Variants in ALPK2 observed in about 807,000 individuals in gnomAD.
ALPK2 encodes alpha kinase 2.
Under a neutral mutation model 163.1 loss-of-function variants are expected in ALPK2, and 127 were observed. The ratio of observed to expected loss-of-function variants is 0.78; its 90% confidence interval spans 0.67 to 0.90. The LOEUF (loss-of-function observed/expected upper bound fraction) is 0.90. ALPK2 is among the 40% of genes least tolerant of loss of function. The pLI is 0.00. For missense variants in ALPK2, 2,360 were observed against 2,589.6 expected (o/e 0.91, Z 1.92); for synonymous variants, 953 against 959.1 (o/e 0.99, Z 0.12).
chr18:58,609,413 C>CT (rs1478827569), intron 2 of ALPK2, among the ~76,000 whole-genome samples: 1 of 152,228 alleles, frequency 6.6e-6, no homozygotes, highest in Non-Finnish European at 1.5e-5. Flanking sequence ...TCCTTTAAGA[C>CT]TGTTTCATCA....
chr18:58,530,763 A>T (rs563255647), intron 5 of ALPK2, among the ~76,000 whole-genome samples: 1 of 152,320 alleles, frequency 6.6e-6, no homozygotes, highest in South Asian at 2.1e-4. Context: ...AGAGGTGGAA[A>T]GTGCAGCTGA....
chr18:58,532,721 C>T (rs996834945), intron 5 of ALPK2, among the ~76,000 whole-genome samples: 3 of 152,160 alleles, frequency 2.0e-5, no homozygotes, highest in African/African-American at 7.2e-5. Flanking sequence ...ACCATGAGAG[C>T]TGTGTTAGGC....
At chr18:58,602,512 G>A (rs1433200649) in intron 3 of ALPK2, among the ~76,000 whole-genome samples, 5 of 151,956 alleles carry the variant, frequency 3.3e-5, no homozygotes, top group Admixed American at 2.0e-4. Flanking sequence ...GGCATGTCTC[G>A]GCTTGCCATT....
chr18:58,609,145 C>T (rs1397322899), intron 2 of ALPK2, among the ~76,000 whole-genome samples: 2 of 144,950 alleles, frequency 1.4e-5, no homozygotes, highest in African/African-American at 2.5e-5. Context: ...CCACTGTGCT[C>T]ATGCCATGAA....
At chr18:58,609,178 ATTTTTCCTCCT>A (rs2144229533) in intron 2 of ALPK2, among the ~76,000 whole-genome samples, 1 of 139,794 alleles carries the variant, frequency 7.2e-6, no homozygotes, top group East Asian at 2.4e-4. Flanking sequence ...GCAACTGTGG[ATTTTTCCTCCT>A]TGCCTTCTCC....
intron 4 of ALPK2, among the ~76,000 whole-genome samples, chr18:58,558,277 C>T (rs1318859637): frequency 6.6e-6 from 1 of 152,084 alleles, no homozygotes; most frequent in Admixed American, 6.6e-5. Context: ...GGAAAATATA[C>T]ACCAGAGTTT....
At position 58,523,673 on chromosome 18, in the gene ALPK2, T is replaced by C. The variant is rs917463326; in HGVS notation, c.5665+133A>G. 2.7e-6 allele frequency: 3 copies of C among 1,103,460 alleles called. No individual in the cohort carries two copies. In the African/African-American group the frequency reaches 4.7e-5, roughly 17 times the overall value. The allele number at this position is 1,103,460 out of a possible 1,614,324, so 68.4% of individuals were successfully genotyped here. A position where few individuals can be genotyped will look rare whatever the true frequency, so the allele number is the denominator to read the frequency against. ...CATTTCTCTGATGGCATTCATTTCT[T>C]AAGTCACGCCATAGCTCTCCTTCTC... On this transcript the variant is annotated intron_variant, in intron 8 of 12. Transcript: ENST00000361673.
At chr18:58,485,488 G>T (rs1350170294) in intron 12 of ALPK2, among the ~76,000 whole-genome samples, 1 of 152,188 alleles carries the variant, frequency 6.6e-6, no homozygotes, top group African/African-American at 2.4e-5. Context: ...CCTGGCTGGG[G>T]GACTGCTCTG....
intron 4 of ALPK2, among the ~76,000 whole-genome samples, chr18:58,545,882 C>T (rs1008734867): frequency 1.3e-5 from 2 of 152,154 alleles, no homozygotes; most frequent in East Asian, 1.9e-4. Context: ...GCCTCCCCCA[C>T]GGATAACCTT....
chr18:58,484,777 A>G (rs1201081493), intron 12 of ALPK2, among the ~76,000 whole-genome samples: 1 of 150,814 alleles, frequency 6.6e-6, no homozygotes, highest in African/African-American at 2.4e-5. Context: ...AATAATGCCC[A>G]TAGGGTTGTT....
chr18:58,537,046 CT>C lies in ALPK2; in HGVS notation c.3140del (p.Lys1047ArgfsTer15), dbSNP rs1568078544. 6.2e-7 allele frequency: 1 copy of C among 1,613,904 alleles called. No homozygotes were observed. The highest frequency in any genetic ancestry group is 1.1e-5 in the South Asian group (1 of 91,080). On this transcript the variant is annotated frameshift_variant, in exon 5 of 13. Coordinates refer to ENST00000361673, the MANE Select transcript of ALPK2 (RefSeq NM_052947.4). LOFTEE classifies it high-confidence loss of function. ...EERFPRASHEKVSQFPSQVQL... is the reference protein window; with the variant it reads ...EERFPRASHEXVSQFPSQVQL... The stretch of plus-strand genomic sequence containing the variant: ...GCACTTGGGAAGGAAATTGGGAAAC[CT>C]TTTCATGGGATGCACGAGGGAACCT...
At position 58,573,284 on chromosome 18, in the gene ALPK2, G is replaced by GTA. The variant is rs1228680498; in HGVS notation, c.1962+5528_1962+5529dup. On this transcript the variant is annotated intron_variant, in intron 4 of 12. Transcript: ENST00000361673. Reference sequence around the variant, plus strand: ...TATGTGTATATATATGTATATATGTGTATATATGTATATATGTGTGTATAT... The same window carrying GTA: ...TATGTGTATATATATGTATATATGTGTATATATATGTATATATGTGTGTATAT... 8.5e-4 allele frequency among the ~76,000 whole-genome samples: 45 copies of GTA among 53,038 alleles called. 3 individuals carry two copies. The East Asian group carries it at 9.7e-3, about 11-fold the overall frequency. 34.8% of individuals were successfully genotyped at this position (53,038 alleles called of 152,430 possible).
chr18:58,596,782 C>A (rs1486123394), intron 3 of ALPK2, among the ~76,000 whole-genome samples: 1 of 152,152 alleles, frequency 6.6e-6, no homozygotes, highest in African/African-American at 2.4e-5. Context: ...AGAACAGAAC[C>A]CCTGGATGCG....
chr18:58,552,956 A>G (rs1385369925), intron 4 of ALPK2, among the ~76,000 whole-genome samples: 1 of 152,214 alleles, frequency 6.6e-6, no homozygotes, highest in Non-Finnish European at 1.5e-5. Flanking sequence ...ACTGGATTAC[A>G]GTGGGCCCGA....
chr18:58,501,143 C>T (rs1377091905), intron 11 of ALPK2, among the ~76,000 whole-genome samples: 2 of 152,076 alleles, frequency 1.3e-5, no homozygotes, highest in Non-Finnish European at 2.9e-5. Flanking sequence ...AAATAAACAC[C>T]ATTACTTAAT....
intron 10 of ALPK2, among the ~76,000 whole-genome samples, chr18:58,505,031 G>T (rs538942854): frequency 6.6e-6 from 1 of 152,124 alleles, no homozygotes; most frequent in African/African-American, 2.4e-5. Flanking sequence ...GGACCTGGGA[G>T]ACCATTTGGA....
At position 58,516,945 on chromosome 18, in the gene ALPK2, T is replaced by G. The variant is rs2051524782; in HGVS notation, c.5903A>C (p.Asp1968Ala). ...NAIAYGTRNNDELIQRNYKLA... is the reference protein window; with the variant it reads ...NAIAYGTRNNAELIQRNYKLA... ...TTTGTAGTTCCTTTGGATGAGCTCATCATTATTTCTGGTCCCATAGGCAAT... is the reference window on the plus strand; with the variant it reads ...TTTGTAGTTCCTTTGGATGAGCTCAGCATTATTTCTGGTCCCATAGGCAAT... Residue 1968 changes from aspartate (D) to alanine (A), a missense_variant, in exon 9 of 13, where the codon GAT (aspartate) becomes GCT (alanine). Transcript: ENST00000361673. 2 of 1,614,038 alleles carry G rather than the reference T, an allele frequency of 1.2e-6. No homozygotes were observed.
At chr18:58,624,371 G>A (rs1482092514) in intron 1 of ALPK2, among the ~76,000 whole-genome samples, 1 of 152,076 alleles carries the variant, frequency 6.6e-6, no homozygotes, top group African/African-American at 2.4e-5. Flanking sequence ...GCAGGGTCCT[G>A]ACCAAAGTCC....
At chr18:58,584,157 A>G (rs1433900733) in intron 3 of ALPK2, among the ~76,000 whole-genome samples, 1 of 152,252 alleles carries the variant, frequency 6.6e-6, no homozygotes, top group Non-Finnish European at 1.5e-5. Flanking sequence ...TTTAGTTGAT[A>G]AGAGATTTAT....
Sources: allele counts gnomAD v4.1 joint callset (sites outside exome capture counted in the v4.1 genomes callset), GRCh38; gene constraint gnomAD v4.1.1; transcripts MANE v1.5; gene names NCBI Gene and HGNC (gene_info 2026-07-23, HGNC 2026-07-21).